Variants in NOL4 observed in about 807,000 individuals in gnomAD.
The protein encoded by NOL4 is nucleolar protein 4.
A neutral mutation model predicts 75.9 loss-of-function variants in NOL4; 17 were observed. The observed-to-expected ratio is 0.22, with a 90% CI of 0.15 to 0.34. NOL4 has a LOEUF of 0.34. NOL4 is among the 10% of genes least tolerant of loss of function. The pLI is 1.00. For missense variants in NOL4, 614 were observed against 793.5 expected (o/e 0.77, Z 2.72); for synonymous variants, 292 against 289.9 (o/e 1.01, Z -0.07).
intron 1 of NOL4, among the ~76,000 whole-genome samples, chr18:34,165,805 C>T (rs1015657079): frequency 6.6e-6 from 1 of 151,504 alleles, no homozygotes; most frequent in African/African-American, 2.4e-5. Flanking sequence ...CTTTTTTTAA[C>T]TTTTAAATAT....
At chr18:34,044,814 A>G (rs368868532) in intron 5 of NOL4, among the ~76,000 whole-genome samples, 116 of 152,206 alleles carry the variant, frequency 7.6e-4, no homozygotes, top group African/African-American at 2.7e-3. Flanking sequence ...CCCTCTTTCT[A>G]TTGACTTTCC....
chr18:34,123,483 A>G (rs1384582541), intron 2 of NOL4, among the ~76,000 whole-genome samples: 1 of 147,370 alleles, frequency 6.8e-6, no homozygotes, highest in Non-Finnish European at 1.5e-5. Context: ...GTGAAAAGTA[A>G]TGTGTTTATA....
chr18:34,036,384 G>A (rs1192484878), intron 5 of NOL4, among the ~76,000 whole-genome samples: 5 of 152,004 alleles, frequency 3.3e-5, no homozygotes, highest in African/African-American at 9.7e-5. Context: ...AACAGATGCC[G>A]AAAAAGCATT....
chr18:33,950,447 A>G (rs2069139220), intron 8 of NOL4, among the ~76,000 whole-genome samples: 1 of 152,152 alleles, frequency 6.6e-6, no homozygotes, highest in Admixed American at 6.6e-5. Flanking sequence ...AAAGAAGCAC[A>G]TTAGTAAATA....
chr18:33,978,860 A>T (rs974190982), intron 6 of NOL4, among the ~76,000 whole-genome samples: 3 of 151,902 alleles, frequency 2.0e-5, no homozygotes, highest in African/African-American at 7.2e-5. Flanking sequence ...TTTTAAAAAA[A>T]TATTTTTCAT....
At chr18:34,071,876 A>T (rs180762369) in intron 5 of NOL4, among the ~76,000 whole-genome samples, 1 of 152,278 alleles carries the variant, frequency 6.6e-6, no homozygotes, top group Non-Finnish European at 1.5e-5. Flanking sequence ...TGAGGGGGGA[A>T]TGTACCTAAC....
At chr18:33,936,864 T>C (rs770610907) in intron 9 of NOL4, among the ~76,000 whole-genome samples, 1 of 152,134 alleles carries the variant, frequency 6.6e-6, no homozygotes, top group Non-Finnish European at 1.5e-5. Flanking sequence ...TGATAGGAGA[T>C]AAATCACCAA....
intron 8 of NOL4, among the ~76,000 whole-genome samples, chr18:33,949,459 G>T (rs751985499): frequency 6.6e-6 from 1 of 152,048 alleles, no homozygotes; most frequent in Non-Finnish European, 1.5e-5. Context: ...ATTGATCTTG[G>T]GTTGTGAGTT....
chr18:34,197,583 C>T (rs2035423804), intron 1 of NOL4, among the ~76,000 whole-genome samples: 1 of 151,962 alleles, frequency 6.6e-6, no homozygotes, highest in South Asian at 2.1e-4. Context: ...AATAATCACA[C>T]TAGCACATGT....
intron 4 of NOL4, among the ~76,000 whole-genome samples, chr18:34,101,684 CAGGA>C (rs1344041508): frequency 6.6e-6 from 1 of 152,040 alleles, no homozygotes; most frequent in Non-Finnish European, 1.5e-5. Flanking sequence ...ATTTCTCATG[CAGGA>C]AGGAATAGAG....
intron 1 of NOL4, among the ~76,000 whole-genome samples, chr18:34,142,880 G>C (rs532587887): frequency 1.3e-5 from 2 of 152,188 alleles, no homozygotes; most frequent in East Asian, 3.9e-4. Context: ...TGGTATCTAT[G>C]AATTCCACAT....
intron 10 of NOL4, among the ~76,000 whole-genome samples, chr18:33,856,065 C>T (rs1407899974): frequency 6.6e-6 from 1 of 151,896 alleles, no homozygotes; most frequent in Non-Finnish European, 1.5e-5. Context: ...AATGCAAGGC[C>T]CATAAACGCA....
intron 1 of NOL4, among the ~76,000 whole-genome samples, chr18:34,147,989 T>A (rs2081477770): frequency 6.6e-6 from 1 of 152,164 alleles, no homozygotes; most frequent in Admixed American, 6.6e-5. Flanking sequence ...CTAGATTTTC[T>A]AGCTTATTTA....
chr18:33,952,271 C>A (rs931480691), intron 8 of NOL4, among the ~76,000 whole-genome samples: 1 of 152,118 alleles, frequency 6.6e-6, no homozygotes, highest in Non-Finnish European at 1.5e-5. Context: ...TTCTTTACAA[C>A]TTAGTTATTC....
chr18:34,009,955 C>A (rs986689619), intron 6 of NOL4, among the ~76,000 whole-genome samples: 1 of 151,828 alleles, frequency 6.6e-6, no homozygotes, highest in South Asian at 2.1e-4. Context: ...TTAGAATAAT[C>A]CTGGCACATA....
intron 5 of NOL4, among the ~76,000 whole-genome samples, chr18:34,088,410 A>C (rs1315552077): frequency 6.6e-6 from 1 of 152,112 alleles, no homozygotes; most frequent in Non-Finnish European, 1.5e-5. Context: ...AGGATCTGAG[A>C]TTCAAACACA....
intron 5 of NOL4, among the ~76,000 whole-genome samples, chr18:34,033,914 A>G (rs752545637): frequency 2.6e-5 from 4 of 152,166 alleles, no homozygotes; most frequent in Non-Finnish European, 5.9e-5. Flanking sequence ...AAAGAAAAAA[A>G]AAATCACGAA....
At chr18:34,041,466 C>A (rs1347013232) in intron 5 of NOL4, among the ~76,000 whole-genome samples, 12 of 151,564 alleles carry the variant, frequency 7.9e-5, no homozygotes. Flanking sequence ...ATGTCTCTTT[C>A]CTGATATGGG....
At chr18:34,149,271 C>A (rs1478872403) in intron 1 of NOL4, among the ~76,000 whole-genome samples, 1 of 151,654 alleles carries the variant, frequency 6.6e-6, no homozygotes, top group East Asian at 1.9e-4. Context: ...CCATAGCCAA[C>A]AATCTGTAAT....
Sources: gnomAD v4.1 joint callset for allele counts (sites outside exome capture counted in the v4.1 genomes callset) on GRCh38, gnomAD v4.1.1 for gene constraint, MANE v1.5 for transcripts, NCBI Gene and HGNC (gene_info 2026-07-23, HGNC 2026-07-21) for gene names.